The following TECRL variants were observed in gnomAD, a reference collection of about 807,000 sequenced individuals.
TECRL encodes trans-2,3-enoyl-CoA reductase-like.
A neutral mutation model predicts 52.8 loss-of-function variants in TECRL; 63 were observed. The observed-to-expected ratio is 1.19, with a 90% confidence interval of 0.97 to 1.47. The LOEUF is 1.47. Ranked by LOEUF, TECRL falls within the 40% of genes most tolerant of loss-of-function variation. TECRL has a pLI of 0.00. For missense variants in TECRL, 482 were observed against 429.6 expected (o/e 1.12, Z -1.08); for synonymous variants, 164 against 141.9 (o/e 1.16, Z -1.10).
At chr4:64,347,277 A>G (rs1312869847) in intron 2 of TECRL, among the ~76,000 whole-genome samples, 1 of 152,198 alleles carries the variant, frequency 6.6e-6, no homozygotes, top group Non-Finnish European at 1.5e-5. Context: ...AAAAAAGTAA[A>G]TGGCCATATC....
chr4:64,345,366 C>A (rs1383013291), intron 2 of TECRL, among the ~76,000 whole-genome samples: 1 of 151,946 alleles, frequency 6.6e-6, no homozygotes, highest in Admixed American at 6.6e-5. Flanking sequence ...GAATAATATG[C>A]AGCCATAAAA....
In TECRL at chr4:64,314,593, GTGT is replaced by G. The variant is rs1560492125; in HGVS notation, c.551+52_551+54del. 14,965 of 264,036 alleles carry G rather than the reference GTGT, an allele frequency of 0.057. 478 individuals are homozygous for G. The highest frequency in any genetic ancestry group is 0.16 in the East Asian group (3,051 of 18,688). 16.4% of individuals were successfully genotyped at this position (264,036 alleles called of 1,614,324 possible). A position where few individuals can be genotyped will look rare whatever the true frequency, so the allele number is the denominator to read the frequency against. ...TCATCCCCTCCTTAACGTGTATGGT[GTGT>G]GTGTGTGTGTGTGTGTGTGTGTGTG... is the stretch of plus-strand genomic sequence containing the variant. On this transcript the variant is annotated intron_variant, in intron 5 of 11. Transcript: ENST00000381210.
chr4:64,331,644 C>T (rs1265725823), intron 2 of TECRL, among the ~76,000 whole-genome samples: 3 of 152,068 alleles, frequency 2.0e-5, no homozygotes, highest in South Asian at 4.1e-4. Context: ...ATTAGAAAAA[C>T]ATGGTAGTGC....
At chr4:64,280,899 G>T in intron 11 of TECRL, 142 bp downstream of exon 11, 1 of 478,278 alleles carries the variant, frequency 2.1e-6, no homozygotes, top group Non-Finnish European at 3.6e-6. Context: ...TTTTAATACT[G>T]CTAAAAATCA....
chr4:64,313,476 C>CTTT (rs565143298), intron 5 of TECRL, among the ~76,000 whole-genome samples: 21 of 66,328 alleles, frequency 3.2e-4, no homozygotes, highest in African/African-American at 8.4e-4. Flanking sequence ...TGCCTTACTC[C>CTTT]TTTTTTTTTT....
At chr4:64,314,834 T>A in intron 4 of TECRL, 71 bp from the exon 5 acceptor site, 1 of 1,083,516 alleles carries the variant, frequency 9.2e-7, no homozygotes, top group Non-Finnish European at 1.4e-6. Flanking sequence ...TGTCTATGAG[T>A]ATTAGCCTAC....
At chr4:64,310,636 A>G (rs1724620713) in intron 5 of TECRL, among the ~76,000 whole-genome samples, 1 of 152,180 alleles carries the variant, frequency 6.6e-6, no homozygotes, top group African/African-American at 2.4e-5. Context: ...GAAGATTTGT[A>G]CCTATTTTGT....
chr4:64,395,689 T>C (rs1322547208), intron 1 of TECRL, among the ~76,000 whole-genome samples: 3 of 152,200 alleles, frequency 2.0e-5, no homozygotes, highest in African/African-American at 7.2e-5. Context: ...TATTGTAGGT[T>C]GAGAGGGTAC....
At chr4:64,317,590 G>A (rs1717596006) in intron 4 of TECRL, among the ~76,000 whole-genome samples, 1 of 152,166 alleles carries the variant, frequency 6.6e-6, no homozygotes, top group African/African-American at 2.4e-5. Context: ...TTTATCACTT[G>A]TAATACAGTA....
intron 3 of TECRL, among the ~76,000 whole-genome samples, chr4:64,325,092 C>T (rs1560500469): frequency 6.6e-6 from 1 of 152,118 alleles, no homozygotes. Flanking sequence ...TGTGCTATTG[C>T]TGGCTTGAAG....
chr4:64,401,177 A>C (rs572713246), intron 1 of TECRL, among the ~76,000 whole-genome samples: 54 of 152,150 alleles, frequency 3.5e-4, no homozygotes, highest in Non-Finnish European at 6.2e-4. Flanking sequence ...GGCAGATCTG[A>C]AAAAAAATGA....
At position 64,281,062 on chromosome 4, in the gene TECRL, CTG is replaced by C; in HGVS notation, c.941_942del (p.Thr314SerfsTer28). On this transcript the variant is annotated frameshift_variant, in exon 11 of 12. Coordinates refer to ENST00000381210, the MANE Select transcript of TECRL (RefSeq NM_001010874.5). LOFTEE classifies it high-confidence loss of function. ...TTACCTGGCAGTGTTTGTGTCATGA[CTG>C]TGAAACTAATCCATGATCCAATCTG... ...TYEIGSWISF[T>X]VMTQTLPVGI... 1 of 1,602,652 alleles carries C rather than the reference CTG, an allele frequency of 6.2e-7. No homozygotes were observed. The highest frequency in any genetic ancestry group is 8.5e-7 in the Non-Finnish European group (1 of 1,172,660).
At chr4:64,307,666 T>A (rs1724419649) in intron 6 of TECRL, among the ~76,000 whole-genome samples, 1 of 152,140 alleles carries the variant, frequency 6.6e-6, no homozygotes, top group South Asian at 2.1e-4. Flanking sequence ...GACCCTAATG[T>A]TCACTCTGGG....
At chr4:64,291,471 A>C (rs1723384757) in intron 8 of TECRL, among the ~76,000 whole-genome samples, 1 of 151,998 alleles carries the variant, frequency 6.6e-6, no homozygotes, top group East Asian at 1.9e-4. Context: ...TGCCAAACAC[A>C]AAAATAGAAA....
At chr4:64,395,538 GT>G (rs1723882406) in intron 1 of TECRL, among the ~76,000 whole-genome samples, 1 of 152,098 alleles carries the variant, frequency 6.6e-6, no homozygotes. Context: ...CTACCAAAAT[GT>G]ATTGATATCA....
In TECRL at chr4:64,305,222, C is replaced by T. The variant is rs141462797; in HGVS notation, c.674G>A (p.Trp225Ter). Residue 225 changes from tryptophan to a stop codon, truncating the protein, a stop_gained, in exon 7 of 12, where the codon TGG becomes TAG. Transcript: ENST00000381210. LOFTEE classifies it high-confidence loss of function. Reference sequence around the variant, plus strand: ...GTAGGCAATCCAAGAAGTAAATCCCCAGTAAAAGGCACAACTCTGCAAACA... The same window carrying T: ...GTAGGCAATCCAAGAAGTAAATCCCTAGTAAAAGGCACAACTCTGCAAACA... ...KNLIMSCAFY[W>*]GFTSWIAYYI... 3 of 1,612,598 alleles carry T rather than the reference C, an allele frequency of 1.9e-6. No homozygotes were observed. The highest frequency in any genetic ancestry group is 1.1e-5 in the South Asian group (1 of 91,014).
intron 2 of TECRL, among the ~76,000 whole-genome samples, chr4:64,347,649 C>T (rs532538449): frequency 1.3e-5 from 2 of 151,998 alleles, no homozygotes; most frequent in Non-Finnish European, 2.9e-5. Flanking sequence ...CGGGAAATTG[C>T]CATTTATAAA....
At chr4:64,358,768 A>G (rs1249039787) in intron 2 of TECRL, among the ~76,000 whole-genome samples, 1 of 151,862 alleles carries the variant, frequency 6.6e-6, no homozygotes, top group Admixed American at 6.6e-5. Context: ...CATTGACGCA[A>G]TATTATTTTT....
chr4:64,284,439 A>C (rs1258206526), intron 9 of TECRL, among the ~76,000 whole-genome samples: 1 of 150,482 alleles, frequency 6.6e-6, no homozygotes, highest in Non-Finnish European at 1.5e-5. Flanking sequence ...AACCAATAGG[A>C]TGCACCACTT....
Sources: gnomAD v4.1 joint callset for allele counts (sites outside exome capture counted in the v4.1 genomes callset) on GRCh38, gnomAD v4.1.1 for gene constraint, MANE v1.5 for transcripts, NCBI Gene and HGNC (gene_info 2026-07-23, HGNC 2026-07-21) for gene names.